HDX: variants seen among roughly 807,000 people sequenced by gnomAD.
The protein encoded by HDX is chromosome X open reading frame 43.
HDX carries 19 observed loss-of-function variants against 45.2 expected under a neutral mutation model. The ratio of observed to expected loss-of-function variants is 0.42; its 90% CI spans 0.29 to 0.62. The LOEUF (loss-of-function observed/expected upper bound fraction) is 0.62, where lower values mean the gene tolerates loss of function less well. Ranked by LOEUF, HDX falls within the 20% of genes least tolerant of loss-of-function variation. The pLI, the probability that HDX is intolerant of heterozygous loss-of-function variation, is 0.20. For synonymous variants in HDX, 188 were observed against 172.8 expected, an observed-to-expected ratio of 1.09 and a Z score of -0.69; for missense variants, 532 against 493.9, an observed-to-expected ratio of 1.08 and a Z score of -0.73.
intron 5 of HDX, among the ~76,000 whole-genome samples, chrX:84,375,264 T>G (rs1220162947): frequency 1.8e-5 from 2 of 110,899 alleles, no homozygotes; most frequent in South Asian, 7.6e-4. Context: ...GTAGAGGATG[T>G]GGAGAAATAG....
intron 9 of HDX, among the ~76,000 whole-genome samples, chrX:84,333,430 C>T (rs747296039): frequency 8.1e-5 from 9 of 111,083 alleles, no homozygotes; most frequent in Non-Finnish European, 1.5e-4. Context: ...AAAAAGAAAT[C>T]CCTTTTACTA....
intron 5 of HDX, among the ~76,000 whole-genome samples, chrX:84,370,962 G>C (rs988488431): frequency 8.9e-6 from 1 of 112,175 alleles, no homozygotes; most frequent in Admixed American, 9.5e-5. Flanking sequence ...GTATATAATT[G>C]CAAACTTGTC....
chrX:84,443,079 T>G (rs980658953), intron 4 of HDX, among the ~76,000 whole-genome samples: 2 of 111,806 alleles, frequency 1.8e-5, no homozygotes, highest in Admixed American at 9.5e-5. Context: ...TTCACTTTTT[T>G]GTTTTATAAT....
At chrX:84,351,023 CT>C (rs993876479) in intron 6 of HDX, among the ~76,000 whole-genome samples, 10 of 108,770 alleles carry the variant, frequency 9.2e-5, no homozygotes, top group African/African-American at 1.3e-4. Flanking sequence ...ATCTATCTAT[CT>C]ATCTATCTAT....
rs1412251258 is a variant in HDX, at chrX:84,468,621, T to C, written c.1102A>G (p.Asn368Asp). 8.3e-7 allele frequency: 1 copy of C among 1,206,200 alleles called. No homozygotes were observed. Among genetic ancestry groups the C allele is most frequent in the African/African-American group, 1.8e-5 (1 of 57,102 alleles). ...RDMSDNVLYQ[N>D]RNYHLTPRTS... ...CGTGGTGTCAAATGGTAGTTTCTGTTTTGATACAGTACATTGTCTGACATA... is the reference window on the plus strand; with the variant it reads ...CGTGGTGTCAAATGGTAGTTTCTGTCTTGATACAGTACATTGTCTGACATA... The change falls in exon 4 of 11, where the codon AAC (asparagine) becomes GAC (aspartate). Residue 368 changes from asparagine to aspartate, a missense_variant. This residue lies in a region of HDX where 376 missense variants were observed against 343.7 expected (regional missense o/e 1.09). Transcript: ENST00000373177.
intron 7 of HDX, among the ~76,000 whole-genome samples, chrX:84,343,583 T>C (rs776938266): frequency 9.0e-6 from 1 of 111,385 alleles, no homozygotes; most frequent in South Asian, 3.8e-4. Flanking sequence ...TCACCTCACC[T>C]GGCCTTACAA....
chrX:84,486,205 A>G (rs2040786405), intron 2 of HDX, among the ~76,000 whole-genome samples: 1 of 111,400 alleles, frequency 9.0e-6, no homozygotes, highest in Admixed American at 9.6e-5. Context: ...TTTAAGGATT[A>G]CAATGTACAT....
chrX:84,389,300 A>G (rs1049940301), intron 5 of HDX, among the ~76,000 whole-genome samples: 1 of 111,681 alleles, frequency 9.0e-6, no homozygotes, highest in Non-Finnish European at 1.9e-5. Flanking sequence ...TTTGTTAGAT[A>G]TTGTGGGCCA....
At chrX:84,327,788 CTTTTA>C (rs1180184928) in intron 9 of HDX, among the ~76,000 whole-genome samples, 1 of 110,899 alleles carries the variant, frequency 9.0e-6, no homozygotes, top group Non-Finnish European at 1.9e-5. Flanking sequence ...AAAAAGAAAA[CTTTTA>C]TTTTAATTTA....
At chrX:84,344,053 T>A (rs1025205832) in intron 7 of HDX, among the ~76,000 whole-genome samples, 197 bp downstream of exon 7, 2 of 111,664 alleles carry the variant, frequency 1.8e-5, no homozygotes, top group South Asian at 7.4e-4. Flanking sequence ...AGATTATTAT[T>A]GTTGTTGATG....
intron 5 of HDX, among the ~76,000 whole-genome samples, chrX:84,421,244 A>G (rs2039246256): frequency 1.8e-5 from 2 of 112,202 alleles, no homozygotes; most frequent in Non-Finnish European, 3.8e-5. Flanking sequence ...GTATGAGAAG[A>G]TATAAATAAA....
intron 9 of HDX, among the ~76,000 whole-genome samples, chrX:84,330,584 G>A (rs1291137522): frequency 2.7e-5 from 3 of 111,449 alleles, no homozygotes; most frequent in African/African-American, 9.8e-5. Context: ...TGCTGACCAG[G>A]AAGTCGTTTC....
intron 1 of HDX, among the ~76,000 whole-genome samples, chrX:84,496,624 T>C (rs1055633695): frequency 1.1e-4 from 12 of 111,191 alleles, no homozygotes; most frequent in African/African-American, 3.6e-4. Context: ...AGAAGAAAAA[T>C]AATCTCAAAC....
intron 2 of HDX, among the ~76,000 whole-genome samples, chrX:84,482,575 C>T (rs1306350468): frequency 9.0e-6 from 1 of 111,460 alleles, no homozygotes; most frequent in Non-Finnish European, 1.9e-5. Context: ...GAAACTAGCC[C>T]CATGAGTCAA....
intron 6 of HDX, among the ~76,000 whole-genome samples, chrX:84,354,916 T>TAC (rs2037438890): frequency 1.9e-5 from 1 of 53,686 alleles, no homozygotes; most frequent in African/African-American, 5.6e-5. Flanking sequence ...CATATATATA[T>TAC]ATACACACAC....
intron 1 of HDX, among the ~76,000 whole-genome samples, chrX:84,494,301 TAAAA>T (rs958690660): frequency 1.8e-5 from 2 of 112,329 alleles, no homozygotes; most frequent in African/African-American, 3.2e-5. Context: ...TTTCTAGCCC[TAAAA>T]AATGTGCAGG....
intron 4 of HDX, among the ~76,000 whole-genome samples, chrX:84,457,291 A>T (rs1791150760): frequency 8.9e-6 from 1 of 111,813 alleles, no homozygotes; most frequent in Admixed American, 9.5e-5. Flanking sequence ...AAAAAATCAC[A>T]ATGTGGTTTA....
chrX:84,481,558 C>T (rs1450237655), intron 2 of HDX, among the ~76,000 whole-genome samples: 1 of 111,204 alleles, frequency 9.0e-6, no homozygotes, highest in African/African-American at 3.3e-5. Context: ...ACTCTATTAA[C>T]CTCGTTTTCT....
intron 8 of HDX, among the ~76,000 whole-genome samples, chrX:84,335,158 A>C (rs941808973): frequency 9.0e-6 from 1 of 110,670 alleles, no homozygotes; most frequent in Non-Finnish European, 1.9e-5. Context: ...TAATCTCTAT[A>C]AAATTGGGGC....
Sources: gnomAD v4.1 joint callset for allele counts (sites outside exome capture counted in the v4.1 genomes callset) on GRCh38, gnomAD v4.1.1 for gene constraint, gnomAD v4.1.1 regional missense constraint, MANE v1.5 for transcripts, NCBI Gene and HGNC (gene_info 2026-07-23, HGNC 2026-07-21) for gene names.